The following NOL4 variants were observed in gnomAD, a reference collection of about 807,000 sequenced individuals.
The protein encoded by NOL4 is cancer/testis antigen 125.
NOL4 carries 17 observed loss-of-function variants against 75.9 expected under a neutral mutation model. That is an observed-to-expected ratio of 0.22 (90% CI 0.15 to 0.34). The LOEUF is 0.34. NOL4 is among the 10% of genes least tolerant of loss of function. NOL4 has a pLI of 1.00. For synonymous variants in NOL4, 292 were observed against 289.9 expected, an observed-to-expected ratio of 1.01 and a Z score of -0.07; for missense variants, 614 against 793.5, an observed-to-expected ratio of 0.77 and a Z score of 2.72.
chr18:34,024,547 C>T (rs2075249599), intron 5 of NOL4, among the ~76,000 whole-genome samples: 1 of 151,958 alleles, frequency 6.6e-6, no homozygotes, highest in African/African-American at 2.4e-5. Flanking sequence ...TCTGTCTTTT[C>T]CCAGGCTCAA....
chr18:33,953,866 C>T lies in NOL4; in HGVS notation c.1428+3460G>A, dbSNP rs942729630. On this transcript the variant is annotated intron_variant, in intron 8 of 10. Transcript: ENST00000261592. ...ATTGTGGTTAGGGTGATATACAGTA[C>T]GTGGCTAAACACGGAACTGTAGTAA... Among the ~76,000 whole-genome samples, 13 of 152,182 alleles carry T rather than the reference C, an allele frequency of 8.5e-5. 1 individual carries two copies. Among genetic ancestry groups the T allele is most frequent in the Admixed American group, 5.9e-4 (9 of 15,274 alleles).
At chr18:33,863,130 A>G (rs1367010383) in intron 10 of NOL4, among the ~76,000 whole-genome samples, 1 of 152,172 alleles carries the variant, frequency 6.6e-6, no homozygotes, top group Non-Finnish European at 1.5e-5. Context: ...AGGGACATGG[A>G]TGAAATTGGA....
At chr18:33,874,794 T>C (rs1426718373) in intron 10 of NOL4, among the ~76,000 whole-genome samples, 2 of 151,988 alleles carry the variant, frequency 1.3e-5, no homozygotes, top group Non-Finnish European at 2.9e-5. Flanking sequence ...TCTGGCACTA[T>C]CAACACACAC....
At chr18:33,949,035 C>T (rs2069027897) in intron 8 of NOL4, among the ~76,000 whole-genome samples, 1 of 151,954 alleles carries the variant, frequency 6.6e-6, no homozygotes, top group South Asian at 2.1e-4. Context: ...TTTACTTTTT[C>T]CTAATTTCTG....
chr18:33,957,540 G>T (rs2069741297), intron 7 of NOL4, 23 bp from the exon 8 acceptor site: 1 of 1,597,350 alleles, frequency 6.3e-7, no homozygotes, highest in Non-Finnish European at 8.6e-7. Context: ...GGGAGACAGA[G>T]GAGAAGGGTT....
At chr18:34,031,311 G>A (rs188687190) in intron 5 of NOL4, among the ~76,000 whole-genome samples, 9 of 152,172 alleles carry the variant, frequency 5.9e-5, no homozygotes, top group African/African-American at 2.2e-4. Context: ...AATTTATCAT[G>A]GACAACCAAT....
At chr18:33,872,914 A>G (rs1280429197) in intron 10 of NOL4, among the ~76,000 whole-genome samples, 5 of 152,040 alleles carry the variant, frequency 3.3e-5, no homozygotes, top group Non-Finnish European at 5.9e-5. Flanking sequence ...GGAGAGCTTC[A>G]GCAAGCTGCA....
chr18:34,170,517 A>T (rs991151850), intron 1 of NOL4, among the ~76,000 whole-genome samples: 3 of 152,280 alleles, frequency 2.0e-5, no homozygotes, highest in Admixed American at 6.5e-5. Context: ...CATAAAAAGT[A>T]AAATACCTCC....
intron 1 of NOL4, among the ~76,000 whole-genome samples, chr18:34,162,579 A>AATT (rs2031674969): frequency 1.3e-5 from 2 of 152,326 alleles, no homozygotes; most frequent in South Asian, 4.1e-4. Context: ...CAGGCTCTGA[A>AATT]ATTGTGGCAA....
At chr18:33,924,425 A>G (rs1031281322) in intron 9 of NOL4, among the ~76,000 whole-genome samples, 1 of 152,166 alleles carries the variant, frequency 6.6e-6, no homozygotes, top group African/African-American at 2.4e-5. Context: ...TACGGCATTA[A>G]TCCCAGTGAG....
At chr18:33,903,845 T>G (rs1281792998) in intron 9 of NOL4, among the ~76,000 whole-genome samples, 1 of 152,170 alleles carries the variant, frequency 6.6e-6, no homozygotes, top group Non-Finnish European at 1.5e-5. Context: ...CAATCCATTT[T>G]GCACTGCAAA....
chr18:34,173,958 G>A (rs997210821), intron 1 of NOL4, among the ~76,000 whole-genome samples: 6 of 151,964 alleles, frequency 3.9e-5, no homozygotes, highest in Non-Finnish European at 8.8e-5. Context: ...TCTCATTTAG[G>A]AGCCTCCAAT....
At chr18:34,176,680 C>T in intron 1 of NOL4, among the ~76,000 whole-genome samples, 1 of 152,106 alleles carries the variant, frequency 6.6e-6, no homozygotes, top group African/African-American at 2.4e-5. Context: ...CGCTCTCTCT[C>T]TCTACCATGA....
intron 9 of NOL4, among the ~76,000 whole-genome samples, chr18:33,934,589 C>T (rs983152456): frequency 6.6e-6 from 1 of 152,148 alleles, no homozygotes; most frequent in Non-Finnish European, 1.5e-5. Context: ...CACTTGCTGC[C>T]TCCCTTTCCA....
At chr18:33,893,998 C>T (rs971268652) in intron 9 of NOL4, among the ~76,000 whole-genome samples, 4 of 152,080 alleles carry the variant, frequency 2.6e-5, no homozygotes, top group African/African-American at 9.7e-5. Flanking sequence ...TCTTTGTAAT[C>T]TATATGAAAA....
chr18:33,962,912 G>A (rs1234359558), intron 6 of NOL4, among the ~76,000 whole-genome samples: 14 of 152,138 alleles, frequency 9.2e-5, no homozygotes, highest in Non-Finnish European at 1.9e-4. Context: ...TTTAAAGAAC[G>A]TGCAATCTTG....
At chr18:34,082,117 T>C (rs552927896) in intron 5 of NOL4, among the ~76,000 whole-genome samples, 1 of 152,290 alleles carries the variant, frequency 6.6e-6, no homozygotes, top group South Asian at 2.1e-4. Flanking sequence ...ATTTTCTGTT[T>C]AGAAAATAAG....
At chr18:33,922,647 T>G (rs948345681) in intron 9 of NOL4, among the ~76,000 whole-genome samples, 1 of 152,190 alleles carries the variant, frequency 6.6e-6, no homozygotes, top group African/African-American at 2.4e-5. Context: ...CAAGAGCATC[T>G]CTTCATATTA....
chr18:34,172,388 T>C (rs71363435), intron 1 of NOL4, among the ~76,000 whole-genome samples: 36,505 of 152,042 alleles, frequency 0.24, 5,158 homozygotes, highest in East Asian at 0.45. Flanking sequence ...TATGCATGTG[T>C]GTATATACAT....
Sources: gnomAD v4.1 joint callset for allele counts (sites outside exome capture counted in the v4.1 genomes callset) on GRCh38, gnomAD v4.1.1 for gene constraint, MANE v1.5 for transcripts, NCBI Gene and HGNC (gene_info 2026-07-23, HGNC 2026-07-21) for gene names.